Variants in DNAH17 observed in about 807,000 individuals in gnomAD.
DNAH17 encodes dynein axonemal heavy chain 17.
Under a neutral mutation model 485.6 loss-of-function variants are expected in DNAH17, and 376 were observed. That is an observed-to-expected ratio of 0.77 (90% CI 0.71 to 0.84). The LOEUF is 0.84. Ranked by LOEUF, DNAH17 falls within the 40% of genes least tolerant of loss-of-function variation. The pLI, the probability that DNAH17 is intolerant of heterozygous loss-of-function variation, is 0.00. For missense variants in DNAH17, 6,370 were observed against 5,839.3 expected (o/e 1.09, Z -2.96); for synonymous variants, 3,031 against 2,405.9 (o/e 1.26, Z -7.60).
At position 78,567,178 on chromosome 17, in the gene DNAH17, G is replaced by C; in HGVS notation, c.1285-12C>G. On this transcript the variant is annotated splice_polypyrimidine_tract_variant and intron_variant, in intron 9 of 80. Transcript: ENST00000389840. ...GTTTTATAGAGTTCCTAGTGGAGGAGAAAAACACAGTCAATTCATCTTCAC... is the reference window on the plus strand; with the variant it reads ...GTTTTATAGAGTTCCTAGTGGAGGACAAAAACACAGTCAATTCATCTTCAC... The C allele has an allele frequency of 6.3e-7, 1 of 1,584,820 alleles. No individual in the cohort carries two copies. The highest frequency in any genetic ancestry group is 8.6e-7 in the Non-Finnish European group (1 of 1,165,442).
chr17:78,531,513 T>C (rs890241427), intron 20 of DNAH17, among the ~76,000 whole-genome samples: 7 of 152,136 alleles, frequency 4.6e-5, no homozygotes, highest in African/African-American at 9.6e-5. Context: ...TAATTTTTTG[T>C]ATTTTCAGTA....
Position 78,574,780 on chromosome 17 carries a change from C to T in DNAH17, c.278G>A (p.Arg93Lys). The change falls in exon 2 of 81, where the codon AGG (arginine) becomes AAG (lysine). Residue 93 changes from arginine (R) to lysine (K), a missense_variant. Coordinates refer to ENST00000389840, the MANE Select transcript of DNAH17 (RefSeq NM_173628.4). Reference sequence around the variant, plus strand: ...GATGTCGCCGTAAAGGAGCCGGGCCCTGTAGTTGTCCTTGTTGATGTTCTC... The same window carrying T: ...GATGTCGCCGTAAAGGAGCCGGGCCTTGTAGTTGTCCTTGTTGATGTTCTC... ...KSENINKDNY[R>K]ARLLYGDISP... The T allele has an allele frequency of 6.2e-7, 1 of 1,613,994 alleles. No individual in the cohort carries two copies.
Position 78,558,219 on chromosome 17 carries a change from A to G in DNAH17, c.2067T>C (p.Asn689=). Residue 689 remains asparagine (N), a synonymous_variant, in exon 14 of 81, where the codon AAT becomes AAC. Transcript: ENST00000389840. ...CTGGAATCTCTTTCTGTTGCTGGAAATTCAAATACTTGACTTCTCTCAGAA... is the reference window on the plus strand; with the variant it reads ...CTGGAATCTCTTTCTGTTGCTGGAAGTTCAAATACTTGACTTCTCTCAGAA... ...VAVLREVKYL[N]FQQQKEIPDS... 6.2e-7 allele frequency: 1 copy of G among 1,613,852 alleles called. No individual in the cohort carries two copies. Among genetic ancestry groups the G allele is most frequent in the Non-Finnish European group, 8.5e-7 (1 of 1,179,828 alleles).
At chr17:78,486,175 G>A (rs1415746780) in intron 45 of DNAH17, 42 bp from the exon 46 acceptor site, 6 of 1,597,478 alleles carry the variant, frequency 3.8e-6, no homozygotes, top group Non-Finnish European at 8.5e-7. Flanking sequence ...CAGCTAAGCA[G>A]GATGCTGAGA....
At chr17:78,543,277 GTTAA>G (rs1174477589) in intron 17 of DNAH17, among the ~76,000 whole-genome samples, 1 of 121,444 alleles carries the variant, frequency 8.2e-6, no homozygotes, top group East Asian at 2.3e-4. Flanking sequence ...AACGTGCCCG[GTTAA>G]TTTTTGTTTT....
intron 17 of DNAH17, among the ~76,000 whole-genome samples, chr17:78,541,745 T>A (rs769635370): frequency 1.3e-5 from 2 of 152,136 alleles, no homozygotes; most frequent in African/African-American, 4.8e-5. Flanking sequence ...CCTCTTGCTA[T>A]GCTCCTGCCC....
intron 72 of DNAH17, among the ~76,000 whole-genome samples, chr17:78,440,600 T>C (rs565559367): frequency 6.6e-6 from 1 of 152,286 alleles, no homozygotes; most frequent in Admixed American, 6.5e-5. Flanking sequence ...TTCCACCATA[T>C]AGAGCCACCA....
At chr17:78,437,190 G>A (rs939160278) in intron 74 of DNAH17, among the ~76,000 whole-genome samples, 7 of 152,176 alleles carry the variant, frequency 4.6e-5, no homozygotes, top group African/African-American at 1.4e-4. Flanking sequence ...GAGCCTCAGC[G>A]AGTACAGCAA....
In DNAH17 at chr17:78,428,924, T is replaced by TAA. The variant is rs11409298; in HGVS notation, c.12405+195_12405+196dup. ...TTCCCTGAGGCTGCATTTCTTTCTT[T>TAA]AAAAAAAAAAAAAAAAAAAAAAGGT... On this transcript the variant is annotated intron_variant, in intron 76 of 80. Coordinates refer to ENST00000389840, the MANE Select transcript of DNAH17 (RefSeq NM_173628.4). Among the ~76,000 whole-genome samples the TAA allele has an allele frequency of 0.04, 4,123 of 103,106 alleles. 134 individuals are homozygous for TAA. The highest frequency in any genetic ancestry group is 0.085 in the African/African-American group (2,205 of 25,952). The allele number at this position is 103,106 out of a possible 152,430, so 67.6% of individuals were successfully genotyped here.
At chr17:78,552,356 C>A (rs1275985438) in intron 15 of DNAH17, among the ~76,000 whole-genome samples, 1 of 152,178 alleles carries the variant, frequency 6.6e-6, no homozygotes, top group Non-Finnish European at 1.5e-5. Flanking sequence ...AAGATGTGCA[C>A]CAGCTCTGCT....
chr17:78,458,695 T>C lies in DNAH17; in HGVS notation c.9862-15A>G. Reference sequence around the variant, plus strand: ...GCGTTAAGTTCCTGCAAAACCAAGTTGGAAAGCTGCTGGAAAACCCCACGA... The same window carrying C: ...GCGTTAAGTTCCTGCAAAACCAAGTCGGAAAGCTGCTGGAAAACCCCACGA... On this transcript the variant is annotated splice_polypyrimidine_tract_variant and intron_variant, in intron 61 of 80. Transcript: ENST00000389840. 2 of 1,609,684 alleles carry C rather than the reference T, an allele frequency of 1.2e-6. No individual in the cohort carries two copies.
At chr17:78,576,122 G>A (rs998646218) in intron 1 of DNAH17, among the ~76,000 whole-genome samples, 2 of 152,196 alleles carry the variant, frequency 1.3e-5, no homozygotes, top group South Asian at 4.1e-4. Context: ...CTGCTGAAAA[G>A]CATCAGGGTG....
At position 78,543,373 on chromosome 17, in the gene DNAH17, C is replaced by A. The variant is rs531431665; in HGVS notation, c.2532+484G>T. On this transcript the variant is annotated intron_variant, in intron 17 of 80. Coordinates refer to ENST00000389840, the MANE Select transcript of DNAH17 (RefSeq NM_173628.4). The stretch of plus-strand genomic sequence containing the variant: ...TGGCGCAATCTTGGCTCACTGCAAG[C>A]TCCGCTTCCCGGGTTCACGCCATTC... Among the ~76,000 whole-genome samples the A allele has an allele frequency of 2.0e-5, 3 of 151,982 alleles. No individual in the cohort carries two copies. In the East Asian group the frequency reaches 5.8e-4, roughly 29 times the overall value.
At chr17:78,451,878 TCTTTC>T (rs1385560683) in intron 65 of DNAH17, among the ~76,000 whole-genome samples, 1 of 152,054 alleles carries the variant, frequency 6.6e-6, no homozygotes, top group African/African-American at 2.4e-5. Flanking sequence ...ATGCACCTGC[TCTTTC>T]CTTGGGTGAT....
Position 78,454,648 on chromosome 17 carries a change from C to A in DNAH17, c.10228G>T (p.Asp3410Tyr). The change falls in exon 64 of 81, where the codon GAC becomes TAC. Residue 3410 changes from aspartate (D) to tyrosine (Y), a missense_variant. Asp to Tyr is a radical substitution (Grantham distance 160). Coordinates refer to ENST00000389840, the MANE Select transcript of DNAH17 (RefSeq NM_173628.4). ...CCCTGGTTGTTCCAGGTGGCCACGT[C>A]CGCGTCATCTGTCAGCAGGCTCAAG... is the stretch of plus-strand genomic sequence containing the variant. ...DPLSLLTDDA[D>Y]VATWNNQGLP... The A allele has an allele frequency of 6.2e-7, 1 of 1,613,122 alleles. No homozygotes were observed. The highest frequency in any genetic ancestry group is 8.5e-7 in the Non-Finnish European group (1 of 1,179,862).
At chr17:78,485,238 G>C (rs1467533606) in intron 47 of DNAH17, 4 of 686,736 alleles carry the variant, frequency 5.8e-6, no homozygotes, top group African/African-American at 1.8e-5. Context: ...CAGAGGCGAG[G>C]GTGGCAGGAA....
At chr17:78,478,704 CCATCACCACCACTATTGCCAT>C (rs1450654553) in intron 51 of DNAH17, among the ~76,000 whole-genome samples, 2 of 140,118 alleles carry the variant, frequency 1.4e-5, no homozygotes, top group Non-Finnish European at 3.0e-5. Flanking sequence ...ACCATCATTA[CCATCACCACCACTATTGCCAT>C]CATCACCACC....
chr17:78,438,635 G>A (rs1352826094), intron 73 of DNAH17, among the ~76,000 whole-genome samples: 2 of 150,846 alleles, frequency 1.3e-5, no homozygotes, highest in Non-Finnish European at 3.0e-5. Context: ...AGTAGTTGAG[G>A]TTACAGGCAT....
intron 19 of DNAH17, 71 bp from the exon 20 acceptor site, chr17:78,532,807 C>T (rs1333810387): frequency 4.0e-5 from 59 of 1,462,814 alleles, no homozygotes; most frequent in South Asian, 5.6e-5. Flanking sequence ...GTTGTCCTCT[C>T]GGCCTTGAGA....
Sources: gnomAD v4.1 joint callset for allele counts (sites outside exome capture counted in the v4.1 genomes callset) on GRCh38, gnomAD v4.1.1 for gene constraint, MANE v1.5 for transcripts, NCBI Gene and HGNC (gene_info 2026-07-23, HGNC 2026-07-21) for gene names.